PTPRD: variants seen among roughly 807,000 people sequenced by gnomAD.
PTPRD encodes the protein receptor-type tyrosine-protein phosphatase delta.
In PTPRD, 34 loss-of-function variants were observed where a neutral mutation model predicts 214.5. That is an observed-to-expected ratio of 0.16 (90% CI 0.12 to 0.21). The LOEUF is 0.21. PTPRD is among the 10% of genes least tolerant of loss of function. The pLI is 1.00. For synonymous variants in PTPRD, 1,128 were observed against 845.7 expected (o/e 1.33, Z -5.79); for missense variants, 2,545 against 2,398.7 (o/e 1.06, Z -1.27).
chr9:8,447,244 CTCTTA>C (rs1165176631), intron 34 of PTPRD, among the ~76,000 whole-genome samples: 7 of 152,152 alleles, frequency 4.6e-5, no homozygotes, highest in Non-Finnish European at 7.4e-5. Flanking sequence ...TACAGCTCCT[CTCTTA>C]TCTCATTTTG....
chr9:9,435,126 T>A (rs2084709253), intron 8 of PTPRD, among the ~76,000 whole-genome samples: 1 of 152,168 alleles, frequency 6.6e-6, no homozygotes, highest in East Asian at 1.9e-4. Context: ...ACTTTCTTTA[T>A]TATTTCTATT....
chr9:8,952,162 G>T (rs1187192158), intron 11 of PTPRD, among the ~76,000 whole-genome samples: 1 of 151,844 alleles, frequency 6.6e-6, no homozygotes, highest in Non-Finnish European at 1.5e-5. Flanking sequence ...TGAGGGCAGG[G>T]ACTTTGTTTT....
intron 8 of PTPRD, among the ~76,000 whole-genome samples, chr9:9,563,571 G>C (rs1190717486): frequency 2.0e-5 from 3 of 152,100 alleles, no homozygotes; most frequent in Non-Finnish European, 2.9e-5. Context: ...CTGGAGCATA[G>C]TAAGAAAAAT....
intron 10 of PTPRD, among the ~76,000 whole-genome samples, chr9:9,182,136 G>A (rs1006807123): frequency 6.6e-6 from 1 of 151,974 alleles, no homozygotes; most frequent in African/African-American, 2.4e-5. Context: ...CATGGAAACA[G>A]GCTGAAAGCC....
intron 2 of PTPRD, among the ~76,000 whole-genome samples, chr9:10,521,765 T>A (rs945993734): frequency 1.3e-5 from 2 of 152,114 alleles, no homozygotes; most frequent in Admixed American, 6.6e-5. Context: ...TAGATGACTG[T>A]TAGAATTTTT....
intron 5 of PTPRD, among the ~76,000 whole-genome samples, chr9:9,797,238 A>T (rs1035545882): frequency 1.5e-5 from 2 of 136,404 alleles, no homozygotes; most frequent in Non-Finnish European, 3.1e-5. Context: ...GCAGAATTTC[A>T]GGCAGTTTTT....
At chr9:10,117,612 G>GTTTTTTTTTTT (rs35593505) in intron 3 of PTPRD, among the ~76,000 whole-genome samples, 89 of 144,678 alleles carry the variant, frequency 6.2e-4, no homozygotes, top group Admixed American at 2.6e-3. Flanking sequence ...AAATCTCCCC[G>GTTTTTTTTTTT]TTTTTTTTTT....
intron 7 of PTPRD, among the ~76,000 whole-genome samples, chr9:9,664,249 T>C (rs1021679120): frequency 1.3e-5 from 2 of 151,520 alleles, no homozygotes; most frequent in Non-Finnish European, 3.0e-5. Flanking sequence ...TTATTGATAG[T>C]GATAACCATC....
rs2099568242 is a variant in PTPRD at position 10,220,741 on chromosome 9, T to C, written c.-545+120222A>G. Among the ~76,000 whole-genome samples, 3 of 151,856 alleles carry C rather than the reference T, an allele frequency of 2.0e-5. No individual in the cohort carries two copies. In the Admixed American group the frequency reaches 2.0e-4, roughly 10 times the overall value. ...AGATATATATTGCATATGCTATCATTCATAATATCTATTATATGTGTTTGT... is the reference window on the plus strand; with the variant it reads ...AGATATATATTGCATATGCTATCATCCATAATATCTATTATATGTGTTTGT... On this transcript the variant is annotated intron_variant, in intron 3 of 45. Coordinates refer to ENST00000381196, the MANE Select transcript of PTPRD (RefSeq NM_002839.4).
intron 11 of PTPRD, among the ~76,000 whole-genome samples, chr9:8,830,780 T>A (rs559383470): frequency 1.3e-5 from 2 of 151,962 alleles, no homozygotes; most frequent in African/African-American, 4.8e-5. Context: ...AATCCGTAAT[T>A]TGGGGAAAGG....
In PTPRD at chr9:9,455,639, CT is replaced by C. The variant is rs1259596168; in HGVS notation, c.-236-58158del. The stretch of plus-strand genomic sequence containing the variant: ...TAAGCCTAAATGGAGATCCAAGTAA[CT>C]GAATCAGAAATTTGGAGCTTTCCCA... On this transcript the variant is annotated intron_variant, in intron 8 of 45. Transcript: ENST00000381196. Among the ~76,000 whole-genome samples the C allele has an allele frequency of 2.8e-4, 42 of 151,466 alleles. No individual in the cohort carries two copies. In the Admixed American group the frequency reaches 2.8e-3, roughly 10 times the overall value.
At chr9:9,070,823 T>A (rs1183764645) in intron 10 of PTPRD, among the ~76,000 whole-genome samples, 1 of 152,178 alleles carries the variant, frequency 6.6e-6, no homozygotes, top group Non-Finnish European at 1.5e-5. Context: ...TGTGTCTAGT[T>A]TAAGTAACTA....
chr9:8,471,356 AGTTT>A (rs1215102922), intron 30 of PTPRD, among the ~76,000 whole-genome samples: 10 of 152,132 alleles, frequency 6.6e-5, no homozygotes, highest in African/African-American at 2.4e-4. Flanking sequence ...GAGCAGGCAT[AGTTT>A]GTTAGGGCCC....
At chr9:9,165,405 A>G (rs76046651) in intron 10 of PTPRD, among the ~76,000 whole-genome samples, 3,095 of 152,304 alleles carry the variant, frequency 0.02, 98 homozygotes, top group African/African-American at 0.07. Flanking sequence ...AAGTCAGATG[A>G]GAAATAGCAT....
At chr9:9,861,335 G>C (rs1381269873) in intron 5 of PTPRD, among the ~76,000 whole-genome samples, 1 of 152,078 alleles carries the variant, frequency 6.6e-6, no homozygotes, top group African/African-American at 2.4e-5. Context: ...CTGTCTCCCA[G>C]GCTGGAGTGC....
At chr9:8,560,936 A>G (rs1158609491) in intron 14 of PTPRD, among the ~76,000 whole-genome samples, 2 of 152,242 alleles carry the variant, frequency 1.3e-5, no homozygotes, top group African/African-American at 2.4e-5. Flanking sequence ...TTAAAAAAAA[A>G]AAAAACACTC....
intron 3 of PTPRD, among the ~76,000 whole-genome samples, chr9:10,091,325 T>G (rs1191759905): frequency 6.6e-6 from 1 of 151,522 alleles, no homozygotes; most frequent in Non-Finnish European, 1.5e-5. Context: ...AATGTATCAT[T>G]GAGAAGAGTT....
intron 2 of PTPRD, among the ~76,000 whole-genome samples, chr9:10,415,703 G>T (rs755224051): frequency 1.3e-5 from 2 of 151,830 alleles, no homozygotes; most frequent in African/African-American, 4.8e-5. Context: ...CTGAAATGTG[G>T]AAGCAACATA....
intron 12 of PTPRD, among the ~76,000 whole-genome samples, chr9:8,682,666 T>C (rs1033103014): frequency 1.3e-5 from 2 of 152,202 alleles, no homozygotes; most frequent in African/African-American, 2.4e-5. Context: ...AGCTCTTTCT[T>C]AAAACATTGA....
Sources: gnomAD v4.1 joint callset for allele counts (sites outside exome capture counted in the v4.1 genomes callset) on GRCh38, gnomAD v4.1.1 for gene constraint, MANE v1.5 for transcripts, NCBI Gene and HGNC (gene_info 2026-07-23, HGNC 2026-07-21) for gene names.